NADSYN1: variants seen among roughly 807,000 people sequenced by gnomAD.
NADSYN1 encodes the protein NAD synthetase 1.
Under a neutral mutation model 99.3 loss-of-function variants are expected in NADSYN1, and 80 were observed. The observed-to-expected ratio is 0.81, with a 90% CI of 0.67 to 0.97. NADSYN1 has a LOEUF of 0.97. NADSYN1 is among the 50% of genes least tolerant of loss of function. NADSYN1 has a pLI of 0.00. For missense variants in NADSYN1, 859 were observed against 948.5 expected (o/e 0.91, Z 1.24); for synonymous variants, 385 against 372.1 (o/e 1.03, Z -0.40).
chr11:71,486,392 C>A (rs963150189), intron 16 of NADSYN1, among the ~76,000 whole-genome samples: 1 of 152,002 alleles, frequency 6.6e-6, no homozygotes, highest in Non-Finnish European at 1.5e-5. Flanking sequence ...CTCACCTGTC[C>A]GTTCATCCAC....
chr11:71,498,791 T>G (rs1949837775), intron 20 of NADSYN1: 1 of 352,142 alleles, frequency 2.8e-6, no homozygotes, highest in African/African-American at 2.1e-5. Flanking sequence ...TCAAGCTATT[T>G]CACATGTGCG....
intron 5 of NADSYN1, among the ~76,000 whole-genome samples, chr11:71,469,437 A>G (rs1591125392): frequency 1.3e-5 from 2 of 152,194 alleles, no homozygotes; most frequent in Non-Finnish European, 2.9e-5. Flanking sequence ...AGAAATGTAG[A>G]GTGTGGAGTG....
At chr11:71,474,257 A>G (rs1324833091) in intron 8 of NADSYN1, 138 bp from the exon 9 acceptor site, 2 of 1,119,668 alleles carry the variant, frequency 1.8e-6, no homozygotes, top group African/African-American at 1.5e-5. Context: ...TTCCCCACAC[A>G]TATGCGTTAT....
chr11:71,501,261 C>G (rs775920734), intron 20 of NADSYN1, 41 bp from the exon 21 acceptor site: 2 of 1,491,352 alleles, frequency 1.3e-6, no homozygotes, highest in Non-Finnish European at 1.8e-6. Flanking sequence ...CCCCACAGTC[C>G]GTCTTTGCGG....
chr11:71,498,216 C>A, intron 19 of NADSYN1, 136 bp from the exon 20 acceptor site: 1 of 992,132 alleles, frequency 1.0e-6, no homozygotes, highest in Non-Finnish European at 1.5e-6. Context: ...GGGCATCCCC[C>A]ACACCTGCCA....
rs376210803 is a variant in NADSYN1, at chr11:71,491,840, G to C, written c.1701G>C (p.Leu567=). 8.1e-6 allele frequency: 13 copies of C among 1,614,002 alleles called. No homozygotes were observed. Among genetic ancestry groups the C allele is most frequent in the African/African-American group, 1.3e-5 (1 of 75,046 alleles). ...CTGTGTGTTTTGGCTGCAGCATCCT[G>C]TTGGCGCCGGCCACCGCAGAGCTGG... ...RFQLPALQSI[L]LAPATAELEP... is the part of the protein sequence containing the mutation. The change falls in exon 18 of 21, where the codon CTG becomes CTC. Residue 567 remains leucine, a synonymous_variant. Transcript: ENST00000319023.
At chr11:71,491,054 C>G in intron 17 of NADSYN1, 78 bp downstream of exon 17, 3 of 1,578,172 alleles carry the variant, frequency 1.9e-6, no homozygotes, top group Non-Finnish European at 2.6e-6. Context: ...CTGGCCCACA[C>G]TCAGGCTCCT....
intron 3 of NADSYN1, chr11:71,460,034 T>A (rs961289838): frequency 1.3e-5 from 2 of 152,392 alleles, no homozygotes; most frequent in African/African-American, 4.8e-5. Flanking sequence ...GTCCCTGCCT[T>A]CTCTAGCTTC....
At chr11:71,492,012 G>C (rs1591135840) in intron 18 of NADSYN1, 109 bp downstream of exon 18, 1 of 1,024,064 alleles carries the variant, frequency 9.8e-7, no homozygotes, top group South Asian at 1.6e-5. Context: ...CTGCATCGCT[G>C]TCACTGGGTC....
intron 16 of NADSYN1, among the ~76,000 whole-genome samples, chr11:71,489,444 G>T (rs1368673084): frequency 7.8e-6 from 1 of 128,084 alleles, no homozygotes; most frequent in African/African-American, 3.3e-5. Flanking sequence ...CCCACGGGTC[G>T]CAGGTTGAGC....
intron 1 of NADSYN1, among the ~76,000 whole-genome samples, chr11:71,454,266 C>T (rs1044045634): frequency 6.6e-6 from 1 of 152,192 alleles, no homozygotes; most frequent in Non-Finnish European, 1.5e-5. Context: ...GGCTGGAGTG[C>T]AGTGGTGTCA....
chr11:71,463,923 A>T, intron 4 of NADSYN1, 130 bp from the exon 5 acceptor site: 1 of 678,716 alleles, frequency 1.5e-6, no homozygotes, highest in Admixed American at 2.5e-5. Context: ...AAGGAGAGAG[A>T]TTTGCTCGGG....
intron 16 of NADSYN1, among the ~76,000 whole-genome samples, chr11:71,489,757 GA>G (rs1949767195): frequency 6.6e-6 from 1 of 152,242 alleles, no homozygotes; most frequent in Admixed American, 6.5e-5. Context: ...TGAGGGTCAG[GA>G]AGGGTGAGAA....
intron 9 of NADSYN1, 29 bp from the exon 10 acceptor site, chr11:71,478,366 C>A: frequency 6.4e-7 from 1 of 1,554,676 alleles, no homozygotes; most frequent in Non-Finnish European, 8.8e-7. Context: ...CGGGAAATCA[C>A]GGGTTCTCTT....
chr11:71,474,326 C>T (rs1323418638), intron 8 of NADSYN1, 69 bp from the exon 9 acceptor site: 7 of 1,601,988 alleles, frequency 4.4e-6, no homozygotes, highest in Non-Finnish European at 5.1e-6. Context: ...GGTTCCTGTA[C>T]TTGGGCAGGT....
In NADSYN1 at chr11:71,473,268, C is replaced by G; in HGVS notation, c.460-10C>G. The G allele has an allele frequency of 6.2e-7, 1 of 1,613,554 alleles. No homozygotes were observed. The highest frequency in any genetic ancestry group is 8.5e-7 in the Non-Finnish European group (1 of 1,179,538). On this transcript the variant is annotated splice_polypyrimidine_tract_variant and intron_variant, in intron 6 of 20. Transcript: ENST00000319023. The stretch of plus-strand genomic sequence containing the variant: ...AGTGAATCTCATGCACTCTTCTCTT[C>G]CGACTGCAGGAAACCGTACCCTTCG...
At chr11:71,470,898 A>AT (rs888181148) in intron 5 of NADSYN1, among the ~76,000 whole-genome samples, 1 of 151,192 alleles carries the variant, frequency 6.6e-6, no homozygotes, top group African/African-American at 2.4e-5. Context: ...GTTTATTTGT[A>AT]TTTTTTTTCT....
intron 18 of NADSYN1, among the ~76,000 whole-genome samples, chr11:71,496,255 C>T (rs1949817811): frequency 6.6e-6 from 1 of 152,228 alleles, no homozygotes; most frequent in Non-Finnish European, 1.5e-5. Flanking sequence ...GTCCTGGTCC[C>T]TCCGAAGGCT....
At chr11:71,498,243 G>A (rs1208846329) in intron 19 of NADSYN1, 109 bp from the exon 20 acceptor site, 3 of 1,279,686 alleles carry the variant, frequency 2.3e-6, no homozygotes, top group South Asian at 1.4e-5. Context: ...AAGGTCCTGT[G>A]CGGGGAGTAA....
Sources: gnomAD v4.1 joint callset for allele counts (sites outside exome capture counted in the v4.1 genomes callset) on GRCh38, gnomAD v4.1.1 for gene constraint, MANE v1.5 for transcripts, NCBI Gene and HGNC (gene_info 2026-07-23, HGNC 2026-07-21) for gene names.